EVA1A: variants seen among roughly 807,000 people sequenced by gnomAD.
EVA1A encodes protein eva-1 homolog A.
EVA1A carries 7 observed loss-of-function variants against 9.8 expected under a neutral mutation model. The ratio of observed to expected loss-of-function variants is 0.71; its 90% CI spans 0.41 to 1.34. The LOEUF (loss-of-function observed/expected upper bound fraction) is 1.34, where lower values mean the gene tolerates loss of function less well. EVA1A is among the 40% of genes most tolerant of loss of function. The probability of loss-of-function intolerance (pLI) is 0.01; values close to 1 mark genes in which losing one functional copy is unlikely to be tolerated. For missense variants in EVA1A, 206 were observed against 205.9 expected (o/e 1.00, Z 0.00); for synonymous variants, 90 against 85.6 (o/e 1.05, Z -0.28).
chr2:75,495,499 AATGGCATT>A (rs1388117146), intron 3 of EVA1A, among the ~76,000 whole-genome samples: 4 of 152,232 alleles, frequency 2.6e-5, no homozygotes, highest in Non-Finnish European at 5.9e-5. Context: ...TCACAAAGGT[AATGGCATT>A]AAGTTGTGTT....
rs1163106459 is a variant in EVA1A, at chr2:75,555,511, C to T, written c.-192+5169G>A. 3.9e-5 allele frequency among the ~76,000 whole-genome samples: 6 copies of T among 152,118 alleles called. No individual in the cohort carries two copies. In the South Asian group the frequency reaches 8.3e-4, roughly 21 times the overall value. ...GGACTTTGAAAAGAAAACAAAACAA[C>T]TACCCACAACCTCCCAGCTCAGCTT... is the stretch of plus-strand genomic sequence containing the variant. On this transcript the variant is annotated intron_variant, in intron 1 of 3. Transcript: ENST00000393913.
intron 1 of EVA1A, among the ~76,000 whole-genome samples, chr2:75,537,598 ATGG>A (rs1193617705): frequency 6.6e-6 from 1 of 152,224 alleles, no homozygotes; most frequent in Non-Finnish European, 1.5e-5. Context: ...CAGGTATGCC[ATGG>A]ACATTGTCCT....
intron 1 of EVA1A, among the ~76,000 whole-genome samples, chr2:75,530,339 A>C (rs1009206866): frequency 1.3e-5 from 2 of 152,212 alleles, no homozygotes; most frequent in South Asian, 4.1e-4. Flanking sequence ...AAGAATTGGT[A>C]CCAATATTGC....
rs891205839 is a variant in EVA1A, at chr2:75,492,558, CTATT to C, written c.*674_*677del. ...TGCATGTCAATATATATTTTATAAA[CTATT>C]TAAAATAAAAACCCTTCATCCTTTG... On this transcript the variant is annotated 3_prime_UTR_variant, in exon 4 of 4. Transcript: ENST00000393913. 5.2e-5 allele frequency: 8 copies of C among 152,468 alleles called. No homozygotes were observed. Among genetic ancestry groups the C allele is most frequent in the Admixed American group, 2.6e-4 (4 of 15,258 alleles). 9.4% of individuals were successfully genotyped at this position (152,468 alleles called of 1,614,324 possible).
At chr2:75,552,371 C>T (rs1676557259) in intron 1 of EVA1A, among the ~76,000 whole-genome samples, 1 of 152,110 alleles carries the variant, frequency 6.6e-6, no homozygotes, top group Non-Finnish European at 1.5e-5. Context: ...TCCCTTCTCT[C>T]TCCTAATGAA....
At chr2:75,509,046 T>C (rs1674719718) in intron 3 of EVA1A, among the ~76,000 whole-genome samples, 1 of 152,130 alleles carries the variant, frequency 6.6e-6, no homozygotes, top group Admixed American at 6.5e-5. Flanking sequence ...CTGTGTCGTG[T>C]CTTGTGAATT....
At chr2:75,555,923 T>C (rs769206903) in intron 1 of EVA1A, among the ~76,000 whole-genome samples, 11 of 152,238 alleles carry the variant, frequency 7.2e-5, no homozygotes, top group Non-Finnish European at 1.2e-4. Context: ...AAACATCCTC[T>C]TCTCTCTGAT....
rs201079643 is a variant in EVA1A at position 75,555,308 on chromosome 2, T to TCC, written c.-192+5371_-192+5372insGG. 6.4e-3 allele frequency among the ~76,000 whole-genome samples: 905 copies of TCC among 140,500 alleles called. 22 individuals carry two copies. The highest frequency in any genetic ancestry group is 0.035 in the Admixed American group (466 of 13,316). 92.2% of individuals were successfully genotyped at this position (140,500 alleles called of 152,430 possible). On this transcript the variant is annotated intron_variant, in intron 1 of 3. Coordinates refer to ENST00000393913, the MANE Select transcript of EVA1A (RefSeq NM_001135032.2). The stretch of plus-strand genomic sequence containing the variant: ...CTTTAGCATCAAAACTCAATCTCTC[T>TCC]CTCTCTCTCTCTCTCTCTCTCTCTC...
intron 1 of EVA1A, among the ~76,000 whole-genome samples, chr2:75,531,717 C>T (rs1260388889): frequency 8.6e-5 from 13 of 151,920 alleles, no homozygotes; most frequent in African/African-American, 2.7e-4. Flanking sequence ...GCTATGAGGA[C>T]GCAAAGGCAT....
At chr2:75,523,565 C>T (rs933530604) in intron 1 of EVA1A, among the ~76,000 whole-genome samples, 5 of 152,334 alleles carry the variant, frequency 3.3e-5, no homozygotes, top group Admixed American at 2.0e-4. Context: ...GGGGATGATA[C>T]ATCTAACATG....
intron 1 of EVA1A, among the ~76,000 whole-genome samples, chr2:75,548,808 T>C (rs1320523508): frequency 6.6e-6 from 1 of 151,912 alleles, no homozygotes; most frequent in Non-Finnish European, 1.5e-5. Context: ...TTTATAATCA[T>C]CATGTATTTT....
chr2:75,537,716 C>A (rs1396653220), intron 1 of EVA1A, among the ~76,000 whole-genome samples: 2 of 152,132 alleles, frequency 1.3e-5, no homozygotes, highest in Non-Finnish European at 2.9e-5. Flanking sequence ...TGGTGTTGCC[C>A]TTGTGGTAAT....
intron 1 of EVA1A, among the ~76,000 whole-genome samples, chr2:75,551,009 G>A (rs1187522280): frequency 6.6e-6 from 1 of 152,158 alleles, no homozygotes; most frequent in African/African-American, 2.4e-5. Flanking sequence ...TGTAATCCCA[G>A]CTACTTGGGA....
At chr2:75,513,687 T>C (rs1477964894) in intron 3 of EVA1A, among the ~76,000 whole-genome samples, 1 of 152,162 alleles carries the variant, frequency 6.6e-6, no homozygotes, top group Non-Finnish European at 1.5e-5. Flanking sequence ...ATTTACAAAA[T>C]GAAATATTAT....
At chr2:75,564,220 G>A (rs371799170), upstream of EVA1A, among the ~76,000 whole-genome samples, 39 of 152,296 alleles carry the variant, frequency 2.6e-4, no homozygotes, top group East Asian at 1.4e-3. Flanking sequence ...AGGTTGGAAC[G>A]CACAGGCTGA....
At chr2:75,529,625 T>A (rs1675573986) in intron 1 of EVA1A, among the ~76,000 whole-genome samples, 1 of 152,142 alleles carries the variant, frequency 6.6e-6, no homozygotes, top group African/African-American at 2.4e-5. Flanking sequence ...ATATGGAAAT[T>A]AAGTAATCAG....
intron 3 of EVA1A, among the ~76,000 whole-genome samples, chr2:75,501,903 A>G (rs1674439534): frequency 6.6e-6 from 1 of 152,180 alleles, no homozygotes; most frequent in African/African-American, 2.4e-5. Flanking sequence ...GCCTAGGTTC[A>G]GAAGGAGCCA....
chr2:75,553,613 A>T lies in EVA1A; in HGVS notation c.-192+7067T>A, dbSNP rs138410633. ...GCTGAGCAGACACACCAAGGCCACCAAGCTGTCTCTGTGAGCACATTAGCA... is the reference window on the plus strand; with the variant it reads ...GCTGAGCAGACACACCAAGGCCACCTAGCTGTCTCTGTGAGCACATTAGCA... On this transcript the variant is annotated intron_variant, in intron 1 of 3. Coordinates refer to ENST00000393913, the MANE Select transcript of EVA1A (RefSeq NM_001135032.2). 5.4e-3 allele frequency among the ~76,000 whole-genome samples: 828 copies of T among 152,282 alleles called. 10 individuals carry two copies. The highest frequency in any genetic ancestry group is 0.019 in the African/African-American group (789 of 41,560).
At chr2:75,535,855 A>T (rs963438016) in intron 1 of EVA1A, among the ~76,000 whole-genome samples, 1 of 152,338 alleles carries the variant, frequency 6.6e-6, no homozygotes, top group African/African-American at 2.4e-5. Context: ...TGATGGGTAC[A>T]CTAAAGTCCT....
Sources: gnomAD v4.1 joint callset for allele counts (sites outside exome capture counted in the v4.1 genomes callset) on GRCh38, gnomAD v4.1.1 for gene constraint, MANE v1.5 for transcripts, NCBI Gene and HGNC (gene_info 2026-07-23, HGNC 2026-07-21) for gene names.